NRXN3: variants seen among roughly 807,000 people sequenced by gnomAD.
NRXN3 encodes the protein neurexin III.
In NRXN3, 32 loss-of-function variants were observed where a neutral mutation model predicts 137.6. The observed-to-expected ratio is 0.23, with a 90% CI of 0.18 to 0.31. The LOEUF (loss-of-function observed/expected upper bound fraction) is 0.31. Among genes scored for constraint, NRXN3 ranks in the 10% least tolerant of loss-of-function variants. NRXN3 has a pLI of 1.00. For missense variants in NRXN3, 1,574 were observed against 2,062.5 expected (o/e 0.76, Z 4.59); for synonymous variants, 798 against 784.5 (o/e 1.02, Z -0.29).
intron 4 of NRXN3, among the ~76,000 whole-genome samples, chr14:78,416,424 C>T (rs1567529868): frequency 6.6e-6 from 1 of 152,096 alleles, no homozygotes; most frequent in Non-Finnish European, 1.5e-5. Flanking sequence ...TCACATGAAC[C>T]AGGACAAACT....
chr14:78,294,651 T>G (rs1444633363), intron 3 of NRXN3, among the ~76,000 whole-genome samples: 1 of 151,956 alleles, frequency 6.6e-6, no homozygotes, highest in Non-Finnish European at 1.5e-5. Context: ...GTAGGCATTA[T>G]TATTAGTCAA....
At chr14:79,555,144 G>A (rs774401528) in intron 16 of NRXN3, among the ~76,000 whole-genome samples, 5 of 152,152 alleles carry the variant, frequency 3.3e-5, no homozygotes, top group Admixed American at 1.3e-4. Flanking sequence ...CAAGAGGTGA[G>A]GTCTGAGCTG....
intron 15 of NRXN3, among the ~76,000 whole-genome samples, chr14:79,073,815 A>G (rs1301496982): frequency 6.6e-6 from 1 of 152,190 alleles, no homozygotes; most frequent in African/African-American, 2.4e-5. Flanking sequence ...TAAAGTATCA[A>G]GAAAACATTT....
intron 4 of NRXN3, among the ~76,000 whole-genome samples, chr14:78,467,315 T>C (rs1325663308): frequency 6.6e-6 from 1 of 152,222 alleles, no homozygotes; most frequent in African/African-American, 2.4e-5. Context: ...ACAACTATAT[T>C]TGTTATAAAT....
intron 15 of NRXN3, among the ~76,000 whole-genome samples, chr14:79,082,779 G>A (rs2152764884): frequency 6.6e-6 from 1 of 152,258 alleles, no homozygotes; most frequent in South Asian, 2.1e-4. Flanking sequence ...TTGCATACAT[G>A]TCATAAAAAA....
intron 8 of NRXN3, among the ~76,000 whole-genome samples, chr14:78,772,739 T>C (rs542631320): frequency 1.3e-5 from 2 of 152,278 alleles, no homozygotes; most frequent in South Asian, 4.2e-4. Context: ...GGAATTCCAG[T>C]GCTGCTAGTC....
At chr14:79,472,718 A>G (rs2096525456) in intron 16 of NRXN3, among the ~76,000 whole-genome samples, 1 of 152,174 alleles carries the variant, frequency 6.6e-6, no homozygotes, top group Admixed American at 6.6e-5. Context: ...TGCGAGTGAC[A>G]TCTGCCTATT....
Position 78,253,781 on chromosome 14 carries a change from T to C in NRXN3, c.709+9979T>C, listed in dbSNP as rs561514744. On this transcript the variant is annotated intron_variant, in intron 2 of 20. Transcript: ENST00000335750. ...TCATCCTCCTCTGCACTATATAAAA[T>C]GAGCCTCCCCGTGCCCCGCCCCCCC... is the stretch of plus-strand genomic sequence containing the variant. 2.6e-5 allele frequency among the ~76,000 whole-genome samples: 4 copies of C among 152,248 alleles called. No homozygotes were observed. The Middle Eastern group carries it at 0.01, about 391-fold the overall frequency.
chr14:78,298,609 A>G (rs1567198305), intron 4 of NRXN3, among the ~76,000 whole-genome samples: 1 of 152,228 alleles, frequency 6.6e-6, no homozygotes, highest in African/African-American at 2.4e-5. Context: ...TTTCCACATT[A>G]TCAGCCTAAA....
intron 10 of NRXN3, among the ~76,000 whole-genome samples, chr14:78,895,306 C>T (rs575219283): frequency 3.9e-5 from 6 of 151,982 alleles, no homozygotes; most frequent in Non-Finnish European, 5.9e-5. Context: ...AAGCACTTGC[C>T]GCTTTACCTT....
At chr14:78,261,236 C>T (rs1282004909) in intron 2 of NRXN3, among the ~76,000 whole-genome samples, 1 of 152,214 alleles carries the variant, frequency 6.6e-6, no homozygotes, top group South Asian at 2.1e-4. Flanking sequence ...GGGTCTCTAG[C>T]ATGCAAAGAC....
intron 10 of NRXN3, among the ~76,000 whole-genome samples, chr14:78,889,848 G>A (rs972378649): frequency 9.9e-5 from 15 of 152,012 alleles, no homozygotes; most frequent in African/African-American, 3.1e-4. Context: ...CTTTGCAGAT[G>A]TTTAAGTTAA....
chr14:78,322,126 C>A (rs1261453133), intron 4 of NRXN3, among the ~76,000 whole-genome samples: 1 of 151,846 alleles, frequency 6.6e-6, no homozygotes, highest in Non-Finnish European at 1.5e-5. Context: ...TAATCCAAGC[C>A]AAAAAATTTT....
chr14:79,297,748 C>T (rs187266450), intron 15 of NRXN3, among the ~76,000 whole-genome samples: 28 of 152,120 alleles, frequency 1.8e-4, no homozygotes, highest in Admixed American at 9.8e-4. Context: ...AAGTGGGGCT[C>T]AGAATTTGCA....
chr14:78,597,720 A>C (rs1381049186), intron 4 of NRXN3, among the ~76,000 whole-genome samples: 1 of 152,212 alleles, frequency 6.6e-6, no homozygotes, highest in Non-Finnish European at 1.5e-5. Flanking sequence ...ATTTTGTTCA[A>C]GGAAGCCTCC....
At chr14:79,433,707 C>G (rs754733177) in intron 15 of NRXN3, among the ~76,000 whole-genome samples, 38 of 152,162 alleles carry the variant, frequency 2.5e-4, no homozygotes, top group Non-Finnish European at 4.0e-4. Flanking sequence ...GATTTTAATA[C>G]CTGGCAACAT....
chr14:78,720,219 C>T (rs548423487), intron 8 of NRXN3, among the ~76,000 whole-genome samples: 21 of 152,274 alleles, frequency 1.4e-4, no homozygotes, highest in African/African-American at 4.8e-4. Context: ...ATTGAGGTCT[C>T]TTGCCTAGAA....
chr14:79,819,871 G>T (rs755914797), intron 20 of NRXN3, among the ~76,000 whole-genome samples: 1 of 151,940 alleles, frequency 6.6e-6, no homozygotes, highest in Non-Finnish European at 1.5e-5. Context: ...ACTAAACCAG[G>T]GTCATCTCCA....
At chr14:78,689,153 C>G (rs2098148058) in intron 6 of NRXN3, among the ~76,000 whole-genome samples, 1 of 151,934 alleles carries the variant, frequency 6.6e-6, no homozygotes, top group Admixed American at 6.6e-5. Flanking sequence ...ATTGTTTTCT[C>G]TTGTTATTTT....
Sources: gnomAD v4.1 joint callset for allele counts (sites outside exome capture counted in the v4.1 genomes callset) on GRCh38, gnomAD v4.1.1 for gene constraint, MANE v1.5 for transcripts, NCBI Gene and HGNC (gene_info 2026-07-23, HGNC 2026-07-21) for gene names.